Variants in GTF2E2 observed in about 807,000 individuals in gnomAD.
GTF2E2 encodes transcription initiation factor IIE subunit beta.
A neutral mutation model predicts 40.5 loss-of-function variants in GTF2E2; 21 were observed. That is an observed-to-expected ratio of 0.52 (90% CI 0.37 to 0.75). GTF2E2 has a LOEUF of 0.75. Ranked by LOEUF, GTF2E2 falls within the 30% of genes least tolerant of loss-of-function variation. The pLI, the probability that GTF2E2 is intolerant of heterozygous loss-of-function variation, is 0.00. For synonymous variants in GTF2E2, 117 were observed against 121.6 expected, an observed-to-expected ratio of 0.96 and a Z score of 0.25; for missense variants, 298 against 338.4, an observed-to-expected ratio of 0.88 and a Z score of 0.94.
Position 30,612,407 on chromosome 8 carries a change from A to C in GTF2E2, c.441T>G (p.Asp147Glu). 1 of 1,612,216 alleles carries C rather than the reference A, an allele frequency of 6.2e-7. No homozygotes were observed. The highest frequency in any genetic ancestry group is 8.5e-7 in the Non-Finnish European group (1 of 1,178,338). ...CTAAGAGCCTAAGTAGGGCCTTCTT[A>C]TCTCTCACGTTGTACTTGGGCTTGA... ...YAFKPKYNVR[D>E]KKALLRLLDQ... Residue 147 changes from aspartate to glutamate, a missense_variant, in exon 5 of 8, where the codon GAT (aspartate) becomes GAG (glutamate). By Grantham distance (45) the Asp-to-Glu change is conservative. Coordinates refer to ENST00000355904, the MANE Select transcript of GTF2E2 (RefSeq NM_002095.6).
chr8:30,620,595 G>A (rs971204201), intron 3 of GTF2E2, among the ~76,000 whole-genome samples: 3 of 151,906 alleles, frequency 2.0e-5, no homozygotes, highest in Non-Finnish European at 2.9e-5. Context: ...TAATACACTA[G>A]CACATGTACA....
chr8:30,589,118 G>A lies in GTF2E2; in HGVS notation c.644-8722C>T, dbSNP rs551556367. Among the ~76,000 whole-genome samples, 65 of 152,126 alleles carry A rather than the reference G, an allele frequency of 4.3e-4. 3 individuals are homozygous for A. The South Asian group carries it at 8.9e-3, about 21-fold the overall frequency. Reference sequence around the variant, plus strand: ...AATGCAAAAAAAAAATTATCCGGGCGTGGTGGCACACGCCTGTAATCACAG... The same window carrying A: ...AATGCAAAAAAAAAATTATCCGGGCATGGTGGCACACGCCTGTAATCACAG... On this transcript the variant is annotated intron_variant, in intron 6 of 7. Transcript: ENST00000355904.
At chr8:30,645,636 C>G (rs1802045948) in intron 2 of GTF2E2, 1 of 1,491,094 alleles carries the variant, frequency 6.7e-7, no homozygotes, top group Non-Finnish European at 8.9e-7. Context: ...GAAAGCAGCT[C>G]AACCTCTTCT....
At chr8:30,582,202 T>G (rs964467875) in intron 6 of GTF2E2, among the ~76,000 whole-genome samples, 9 of 151,948 alleles carry the variant, frequency 5.9e-5, no homozygotes, top group African/African-American at 1.9e-4. Context: ...GGTGGGGGGT[T>G]GTGTAGAGAT....
chr8:30,648,885 G>A (rs61670303), intron 2 of GTF2E2, among the ~76,000 whole-genome samples: 29,501 of 152,156 alleles, frequency 0.19, 3,704 homozygotes, highest in East Asian at 0.51. Flanking sequence ...CTGACTGTTA[G>A]GGAAAACCCT....
chr8:30,632,081 G>C (rs1791928629), intron 3 of GTF2E2, among the ~76,000 whole-genome samples: 7 of 152,172 alleles, frequency 4.6e-5, no homozygotes, highest in Admixed American at 4.6e-4. Flanking sequence ...ATGCACTCTA[G>C]CCTAGGTGAC....
chr8:30,634,037 A>G (rs1261238221), intron 3 of GTF2E2, among the ~76,000 whole-genome samples: 2 of 152,240 alleles, frequency 1.3e-5, no homozygotes, highest in Non-Finnish European at 2.9e-5. Context: ...GTCTTTTTCA[A>G]GAGATGCAAC....
chr8:30,627,363 A>T (rs148196799), intron 3 of GTF2E2, among the ~76,000 whole-genome samples: 3 of 151,542 alleles, frequency 2.0e-5, no homozygotes, highest in Non-Finnish European at 4.4e-5. Flanking sequence ...TGGAAACAAG[A>T]AGTCCATCTT....
intron 2 of GTF2E2, among the ~76,000 whole-genome samples, chr8:30,644,147 C>T (rs551533372): frequency 1.3e-4 from 20 of 152,150 alleles, no homozygotes; most frequent in Non-Finnish European, 2.5e-4. Flanking sequence ...TTCCTCATTA[C>T]TATAGTTCCA....
At chr8:30,608,751 A>G (rs994699402) in intron 5 of GTF2E2, among the ~76,000 whole-genome samples, 1 of 152,170 alleles carries the variant, frequency 6.6e-6, no homozygotes, top group Non-Finnish European at 1.5e-5. Context: ...ATTTGGGGTC[A>G]GGAGTTTGTT....
chr8:30,616,835 T>C (rs1465479523), intron 3 of GTF2E2, among the ~76,000 whole-genome samples: 1 of 151,808 alleles, frequency 6.6e-6, no homozygotes, highest in Non-Finnish European at 1.5e-5. Context: ...TTAAAGTAAA[T>C]AAGAAAAAAG....
intron 3 of GTF2E2, among the ~76,000 whole-genome samples, chr8:30,626,617 G>A (rs1185436878): frequency 6.6e-6 from 1 of 152,182 alleles, no homozygotes; most frequent in African/African-American, 2.4e-5. Flanking sequence ...GCAGCGTGAT[G>A]ATTTCTGAAG....
chr8:30,609,220 C>A (rs1211958796), intron 5 of GTF2E2, among the ~76,000 whole-genome samples: 1 of 149,186 alleles, frequency 6.7e-6, no homozygotes, highest in Non-Finnish European at 1.5e-5. Context: ...GAGCTGAGAT[C>A]ACCCCACTGC....
chr8:30,595,556 G>C (rs939800594), intron 6 of GTF2E2, among the ~76,000 whole-genome samples: 1 of 152,130 alleles, frequency 6.6e-6, no homozygotes, highest in Non-Finnish European at 1.5e-5. Flanking sequence ...TTTGCCGGAT[G>C]CAGTTGCTCA....
chr8:30,649,202 T>G (rs1396415937), intron 2 of GTF2E2, among the ~76,000 whole-genome samples: 2 of 152,134 alleles, frequency 1.3e-5, no homozygotes, highest in African/African-American at 4.8e-5. Context: ...AAGCTTTGCT[T>G]CCAAATCAGT....
chr8:30,593,821 A>T lies in GTF2E2; in HGVS notation c.643+13236T>A, dbSNP rs544160537. Among the ~76,000 whole-genome samples the T allele has an allele frequency of 1.4e-3, 219 of 152,278 alleles. 1 individual carries two copies. Among genetic ancestry groups the T allele is most frequent in the Non-Finnish European group, 2.7e-3 (181 of 68,030 alleles). On this transcript the variant is annotated intron_variant, in intron 6 of 7. Transcript: ENST00000355904. ...ATCCTTGGTAATTTTCCTGGCTCTG[A>T]AATCTACTCTGTCTGATATTAATAT...
At chr8:30,601,705 CA>C (rs901639784) in intron 6 of GTF2E2, among the ~76,000 whole-genome samples, 2 of 152,176 alleles carry the variant, frequency 1.3e-5, no homozygotes, top group Admixed American at 6.5e-5. Flanking sequence ...CATATATAAA[CA>C]AAGTATTTTT....
At position 30,612,423 on chromosome 8, in the gene GTF2E2, T is replaced by C; in HGVS notation, c.425A>G (p.Lys142Arg). Residue 142 changes from lysine (K) to arginine (R), a missense_variant, in exon 5 of 8, where the codon AAG becomes AGG. Physicochemically the swap from Lys to Arg is conservative, Grantham distance 26. Coordinates refer to ENST00000355904, the MANE Select transcript of GTF2E2 (RefSeq NM_002095.6). Reference sequence around the variant, plus strand: ...GGCCTTCTTATCTCTCACGTTGTACTTGGGCTTGAAAGCATACTTCCCATC... The same window carrying C: ...GGCCTTCTTATCTCTCACGTTGTACCTGGGCTTGAAAGCATACTTCCCATC... ...VIDGKYAFKP[K>R]YNVRDKKALL... The C allele has an allele frequency of 6.2e-7, 1 of 1,612,948 alleles. No individual in the cohort carries two copies. Among genetic ancestry groups the C allele is most frequent in the Non-Finnish European group, 8.5e-7 (1 of 1,179,060 alleles).
At chr8:30,636,857 T>TAAAA (rs35494159) in intron 2 of GTF2E2, 8 of 296,102 alleles carry the variant, frequency 2.7e-5, no homozygotes, top group African/African-American at 5.2e-5. Flanking sequence ...GTCTCAAAAT[T>TAAAA]AAAAAAAAAA....
Sources: allele counts gnomAD v4.1 joint callset (sites outside exome capture counted in the v4.1 genomes callset), GRCh38; gene constraint gnomAD v4.1.1; transcripts MANE v1.5; gene names NCBI Gene and HGNC (gene_info 2026-07-23, HGNC 2026-07-21).